The following PRKAG2 variants were observed in gnomAD, a reference collection of about 807,000 sequenced individuals.
PRKAG2 encodes the protein protein kinase AMP-activated non-catalytic subunit gamma 2, also known as 5'-AMP-activated protein kinase subunit gamma-2.
Under a neutral mutation model 69.6 loss-of-function variants are expected in PRKAG2, and 26 were observed. That is an observed-to-expected ratio of 0.37 (90% confidence interval 0.27 to 0.52). The LOEUF is 0.52. PRKAG2 is among the 20% of genes least tolerant of loss of function. PRKAG2 has a pLI of 0.90. For missense variants in PRKAG2, 557 were observed against 740.0 expected (o/e 0.75, Z 2.87); for synonymous variants, 293 against 285.0 (o/e 1.03, Z -0.28).
At chr7:151,680,327 A>G (rs1336450352) in intron 3 of PRKAG2, among the ~76,000 whole-genome samples, 1 of 152,200 alleles carries the variant, frequency 6.6e-6, no homozygotes, top group Non-Finnish European at 1.5e-5. Flanking sequence ...AAGAGGTTAG[A>G]TAAATCATGG....
chr7:151,826,251 G>A (rs1387689490), intron 1 of PRKAG2, among the ~76,000 whole-genome samples: 1 of 151,894 alleles, frequency 6.6e-6, no homozygotes, highest in South Asian at 2.1e-4. Flanking sequence ...CGTGACCTCG[G>A]CTCACTGCAA....
chr7:151,647,543 A>G (rs767268049), intron 4 of PRKAG2, among the ~76,000 whole-genome samples: 1 of 152,230 alleles, frequency 6.6e-6, no homozygotes, highest in Non-Finnish European at 1.5e-5. Flanking sequence ...GGCTTCCTAC[A>G]GAGATGTGCA....
chr7:151,740,051 G>A (rs535077299), intron 3 of PRKAG2, among the ~76,000 whole-genome samples: 20 of 152,316 alleles, frequency 1.3e-4, no homozygotes, highest in Middle Eastern at 3.4e-3. Flanking sequence ...CCGTTGTGAG[G>A]ATCTCCCAAG....
rs2079120025 is a variant in PRKAG2, at chr7:151,835,222, TC to T, written c.114+41284del. Among the ~76,000 whole-genome samples the T allele has an allele frequency of 6.6e-6, 1 of 152,166 alleles. No homozygotes were observed. ...GGGTGCCCTTAGAAAGGTTTTATGT[TC>T]ATTTGTTTTTAGGGTCAGGGTCTTG... On this transcript the variant is annotated intron_variant, in intron 1 of 15. Coordinates refer to ENST00000287878, the MANE Select transcript of PRKAG2 (RefSeq NM_016203.4). The surrounding 1 kb of genome is among the most constrained non-coding windows in gnomAD (Gnocchi z 4.1).
intron 4 of PRKAG2, among the ~76,000 whole-genome samples, chr7:151,643,484 C>G (rs1055615099): frequency 6.6e-6 from 1 of 152,222 alleles, no homozygotes; most frequent in Non-Finnish European, 1.5e-5. Context: ...GGTGGAAGCT[C>G]TATTCCTAAA....
At chr7:151,606,682 TGGTGACATGTGCCTG>T (rs1296199900) in intron 5 of PRKAG2, among the ~76,000 whole-genome samples, 2 of 151,744 alleles carry the variant, frequency 1.3e-5, no homozygotes, top group Non-Finnish European at 2.9e-5. Flanking sequence ...CAGCCGGGCG[TGGTGACATGTGCCTG>T]TAATCCCAGC....
intron 3 of PRKAG2, among the ~76,000 whole-genome samples, chr7:151,700,715 T>C (rs1837529355): frequency 6.6e-6 from 1 of 151,944 alleles, no homozygotes; most frequent in South Asian, 2.1e-4. Context: ...CCGCCACGCG[T>C]CCCAGGCCCT....
chr7:151,560,929 AACAC>A (rs371351022), intron 14 of PRKAG2, among the ~76,000 whole-genome samples: 1 of 151,810 alleles, frequency 6.6e-6, no homozygotes, highest in Non-Finnish European at 1.5e-5. Context: ...AGAAAAAAGC[AACAC>A]ACACACACAC....
rs1489464005 is a variant in PRKAG2 at position 151,756,750 on chromosome 7, G to A, written c.466+24402C>T. 6.6e-6 allele frequency among the ~76,000 whole-genome samples: 1 copy of A among 151,970 alleles called. No individual in the cohort carries two copies. On this transcript the variant is annotated intron_variant, in intron 3 of 15. Transcript: ENST00000287878. The surrounding 1 kb of genome is among the most constrained non-coding windows in gnomAD (Gnocchi z 4.9). Reference sequence around the variant, plus strand: ...AAGGATTTTCCTTACTCATCGGTGGGTCGCTTCCCAAACTCTAGTCTGGCG... The same window carrying A: ...AAGGATTTTCCTTACTCATCGGTGGATCGCTTCCCAAACTCTAGTCTGGCG...
At chr7:151,760,296 G>A (rs2075338626) in intron 3 of PRKAG2, among the ~76,000 whole-genome samples, 1 of 152,164 alleles carries the variant, frequency 6.6e-6, no homozygotes, top group Non-Finnish European at 1.5e-5. Flanking sequence ...GAGTGCAATG[G>A]CAGGATCTCG....
intron 4 of PRKAG2, among the ~76,000 whole-genome samples, chr7:151,655,139 T>C (rs1447003769): frequency 6.6e-6 from 1 of 152,224 alleles, no homozygotes; most frequent in Non-Finnish European, 1.5e-5. Context: ...TTCTTGGGTA[T>C]TCTTTCAGAA....
intron 3 of PRKAG2, among the ~76,000 whole-genome samples, chr7:151,751,098 C>CTTT (rs11386133): frequency 0.041 from 5,385 of 130,794 alleles, 205 homozygotes; most frequent in African/African-American, 0.078. Context: ...TCAAAGATTC[C>CTTT]TTTTTTTTTT....
intron 3 of PRKAG2, among the ~76,000 whole-genome samples, chr7:151,734,979 C>G (rs987051379): frequency 1.3e-5 from 2 of 150,886 alleles, no homozygotes; most frequent in African/African-American, 2.4e-5. Context: ...CTTAGCCTCC[C>G]GAGTAGCTGG....
chr7:151,740,663 T>C (rs1312291104), intron 3 of PRKAG2, among the ~76,000 whole-genome samples: 3 of 152,162 alleles, frequency 2.0e-5, no homozygotes, highest in Non-Finnish European at 2.9e-5. Flanking sequence ...AGATAAACAA[T>C]GCTAACTGCA....
rs199809429 is a variant in PRKAG2 at position 151,707,796 on chromosome 7, G to A, written c.467-32159C>T. On this transcript the variant is annotated intron_variant, in intron 3 of 15. Coordinates refer to ENST00000287878, the MANE Select transcript of PRKAG2 (RefSeq NM_016203.4). ...CCAGGGAGCTGGGCCTACGTCAGTA[G>A]GGGGCTCAGAATAGCCACAGAGCCC... 9.0e-4 allele frequency among the ~76,000 whole-genome samples: 137 copies of A among 152,298 alleles called. 1 individual carries two copies. In the East Asian group the frequency reaches 0.026, roughly 29 times the overall value.
At chr7:151,648,966 C>T (rs964318559) in intron 4 of PRKAG2, among the ~76,000 whole-genome samples, 2 of 151,782 alleles carry the variant, frequency 1.3e-5, no homozygotes, top group Non-Finnish European at 2.9e-5. Flanking sequence ...TGTACATCTT[C>T]GGATGCCTCT....
At chr7:151,874,539 T>C (rs989829455) in intron 1 of PRKAG2, among the ~76,000 whole-genome samples, 4 of 150,700 alleles carry the variant, frequency 2.7e-5, no homozygotes, top group African/African-American at 9.8e-5. Flanking sequence ...TATATGTATA[T>C]GTATATGTAT....
intron 3 of PRKAG2, among the ~76,000 whole-genome samples, chr7:151,775,393 C>G (rs190553825): frequency 6.6e-6 from 1 of 152,224 alleles, no homozygotes; most frequent in African/African-American, 2.4e-5. Context: ...GAAAGATCCA[C>G]GAATTCTTGC....
chr7:151,847,328 A>G (rs530200946), intron 1 of PRKAG2, among the ~76,000 whole-genome samples: 2 of 152,140 alleles, frequency 1.3e-5, no homozygotes, highest in African/African-American at 4.8e-5. Context: ...CCTCTGGCCA[A>G]GGGTTAGCAG....
Sources: allele counts gnomAD v4.1 joint callset (sites outside exome capture counted in the v4.1 genomes callset), GRCh38; gene constraint gnomAD v4.1.1; non-coding constraint Gnocchi (gnomAD v3.1); transcripts MANE v1.5; gene names NCBI Gene and HGNC (gene_info 2026-07-23, HGNC 2026-07-21).